Variants in SGCZ observed in about 807,000 individuals in gnomAD.
SGCZ encodes sarcoglycan zeta.
Under a neutral mutation model 41.3 loss-of-function variants are expected in SGCZ, and 40 were observed. The observed-to-expected ratio is 0.97, with a 90% confidence interval of 0.75 to 1.26. The LOEUF (loss-of-function observed/expected upper bound fraction) is 1.26, where lower values mean the gene tolerates loss of function less well. SGCZ is among the 50% of genes most tolerant of loss of function. SGCZ has a pLI of 0.00. For missense variants in SGCZ, 552 were observed against 369.8 expected, an observed-to-expected ratio of 1.49 and a Z score of -4.04; for synonymous variants, 206 against 137.5, an observed-to-expected ratio of 1.50 and a Z score of -3.49.
At chr8:15,153,606 G>A (rs565991887) in intron 1 of SGCZ, among the ~76,000 whole-genome samples, 1 of 152,110 alleles carries the variant, frequency 6.6e-6, no homozygotes, top group Non-Finnish European at 1.5e-5. Flanking sequence ...TCTCCTCGGT[G>A]GTTAAGTGAG....
chr8:15,148,234 CTT>C (rs899055982), intron 1 of SGCZ, among the ~76,000 whole-genome samples: 55 of 152,298 alleles, frequency 3.6e-4, no homozygotes, highest in African/African-American at 1.3e-3. Context: ...TTCACTCTCT[CTT>C]GGATGATGTG....
chr8:14,720,021 T>C (rs1809828637), intron 1 of SGCZ, among the ~76,000 whole-genome samples: 2 of 152,050 alleles, frequency 1.3e-5, no homozygotes. Context: ...CATCTTGAAT[T>C]AATTTTTGTA....
intron 2 of SGCZ, among the ~76,000 whole-genome samples, chr8:14,539,512 T>C (rs998692226): frequency 6.6e-6 from 1 of 151,870 alleles, no homozygotes; most frequent in Admixed American, 6.6e-5. Context: ...CAACTGTTTT[T>C]TTGTTTGTTT....
intron 1 of SGCZ, among the ~76,000 whole-genome samples, chr8:15,128,991 ATC>A (rs1241935532): frequency 6.6e-6 from 1 of 152,090 alleles, no homozygotes; most frequent in Non-Finnish European, 1.5e-5. Flanking sequence ...GTAAAAGAAA[ATC>A]TGTCTTTTGC....
chr8:14,274,301 C>G (rs1349345506), intron 3 of SGCZ, among the ~76,000 whole-genome samples: 2 of 152,092 alleles, frequency 1.3e-5, no homozygotes, highest in Non-Finnish European at 2.9e-5. Flanking sequence ...TCAAGTGAAT[C>G]CAACATCTGA....
intron 1 of SGCZ, among the ~76,000 whole-genome samples, chr8:14,782,119 T>A (rs1242594681): frequency 1.3e-5 from 2 of 152,202 alleles, no homozygotes; most frequent in Non-Finnish European, 2.9e-5. Flanking sequence ...GAGCCCAATT[T>A]CCTTGTCTAT....
At chr8:14,606,619 G>A (rs1210059123) in intron 1 of SGCZ, among the ~76,000 whole-genome samples, 1 of 152,084 alleles carries the variant, frequency 6.6e-6, no homozygotes, top group Non-Finnish European at 1.5e-5. Context: ...CATTCTTTGA[G>A]AAACTGCAAT....
chr8:14,254,764 G>A (rs889279998), intron 3 of SGCZ, among the ~76,000 whole-genome samples: 2 of 151,912 alleles, frequency 1.3e-5, no homozygotes, highest in East Asian at 3.9e-4. Context: ...TTTTCTGGAG[G>A]AGGAATTTGT....
chr8:14,383,055 T>C (rs1240975809), intron 2 of SGCZ, among the ~76,000 whole-genome samples: 1 of 152,180 alleles, frequency 6.6e-6, no homozygotes, highest in Non-Finnish European at 1.5e-5. Flanking sequence ...AGCTCATGTT[T>C]TGTTCCCAAA....
chr8:14,194,426 A>G (rs1020218851), intron 4 of SGCZ, among the ~76,000 whole-genome samples: 9 of 151,946 alleles, frequency 5.9e-5, no homozygotes, highest in African/African-American at 2.2e-4. Flanking sequence ...AGTTTAATTA[A>G]TAAGAGTACT....
intron 1 of SGCZ, among the ~76,000 whole-genome samples, chr8:15,227,413 C>T (rs1400348807): frequency 2.0e-5 from 3 of 152,046 alleles, no homozygotes; most frequent in Non-Finnish European, 4.4e-5. Context: ...ATGCACATAC[C>T]AGAGAGTTCT....
At chr8:15,010,546 C>A (rs11786914) in intron 1 of SGCZ, among the ~76,000 whole-genome samples, 18,952 of 152,100 alleles carry the variant, frequency 0.12, 1,990 homozygotes, top group African/African-American at 0.29. Context: ...AATCCACTTA[C>A]AAAATTATCA....
intron 1 of SGCZ, among the ~76,000 whole-genome samples, chr8:15,096,794 C>T (rs1485565575): frequency 6.6e-6 from 1 of 151,922 alleles, no homozygotes; most frequent in Non-Finnish European, 1.5e-5. Flanking sequence ...CAAGGGATTC[C>T]CCTGCCTCAG....
chr8:14,199,075 ATAACCT>A (rs1805371425), intron 4 of SGCZ, among the ~76,000 whole-genome samples: 1 of 152,220 alleles, frequency 6.6e-6, no homozygotes. Context: ...AACAAGGGAG[ATAACCT>A]TAAACTCTGG....
At chr8:15,056,305 G>C (rs759428902) in intron 1 of SGCZ, among the ~76,000 whole-genome samples, 6 of 152,152 alleles carry the variant, frequency 3.9e-5, no homozygotes, top group Non-Finnish European at 5.9e-5. Context: ...ACTGATCTGA[G>C]AGGAATATGT....
chr8:14,393,450 G>T (rs1003916299), intron 2 of SGCZ, among the ~76,000 whole-genome samples: 1 of 152,114 alleles, frequency 6.6e-6, no homozygotes, highest in Admixed American at 6.6e-5. Flanking sequence ...CAACTGGAAA[G>T]CCAATTTACA....
intron 1 of SGCZ, among the ~76,000 whole-genome samples, chr8:14,646,543 A>T (rs1357655523): frequency 1.3e-5 from 2 of 151,882 alleles, no homozygotes; most frequent in African/African-American, 4.8e-5. Context: ...CTCCTTTGGT[A>T]GGACAATTTA....
rs533978994 is a variant in SGCZ at position 14,364,378 on chromosome 8, A to G, written c.235-40174T>C. Among the ~76,000 whole-genome samples, 25 of 152,270 alleles carry G rather than the reference A, an allele frequency of 1.6e-4. No individual in the cohort carries two copies. The East Asian group carries it at 3.7e-3, about 22-fold the overall frequency. ...ATTTTTTTCTGGTCCACATACATAT[A>G]GGAATTATTAATAAATCATGGGAAA... On this transcript the variant is annotated intron_variant, in intron 2 of 7. Transcript: ENST00000382080.
At chr8:14,504,883 T>A (rs965367645) in intron 2 of SGCZ, among the ~76,000 whole-genome samples, 86 of 152,176 alleles carry the variant, frequency 5.7e-4, no homozygotes, top group Non-Finnish European at 5.9e-5. Flanking sequence ...TCTTTATAAA[T>A]TGTGATTCCT....
Sources: allele counts gnomAD v4.1 joint callset (sites outside exome capture counted in the v4.1 genomes callset), GRCh38; gene constraint gnomAD v4.1.1; transcripts MANE v1.5; gene names NCBI Gene and HGNC (gene_info 2026-07-23, HGNC 2026-07-21).